SI: variants seen among roughly 807,000 people sequenced by gnomAD.
SI encodes the protein sucrase-isomaltase, also known as sucrase-isomaltase, intestinal.
A neutral mutation model predicts 253.3 loss-of-function variants in SI; 235 were observed. The ratio of observed to expected loss-of-function variants is 0.93; its 90% confidence interval spans 0.83 to 1.03. The LOEUF is 1.03. Among genes scored for constraint, SI ranks in the 50% least tolerant of loss-of-function variants. The pLI is 0.00. For missense variants in SI, 2,442 were observed against 2,211.1 expected (o/e 1.10, Z -2.09); for synonymous variants, 819 against 712.0 (o/e 1.15, Z -2.39).
intron 47 of SI, 37 bp downstream of exon 47, chr3:164,982,189 TGTAGATGCTTTAAATAC>T (rs1470910933): frequency 3.7e-6 from 5 of 1,354,036 alleles, no homozygotes; most frequent in Non-Finnish European, 4.2e-6. Context: ...AAGAAGTCCA[TGTAGATGCTTTAAATAC>T]GTACGCTTTT....
the SI span, among the ~76,000 whole-genome samples, chr3:165,084,799 A>G: frequency 6.6e-6 from 1 of 152,084 alleles, no homozygotes; most frequent in African/African-American, 2.4e-5. Flanking sequence ...AGACAATAAG[A>G]AATTTAAACA....
chr3:165,074,718 T>C (rs377663627), intron 2 of SI, 51 bp from the exon 3 acceptor site: 88 of 1,440,750 alleles, frequency 6.1e-5, no homozygotes, highest in Admixed American at 1.2e-4. Context: ...AAATTAATTT[T>C]CTCAGAATTA....
intron 44 of SI, among the ~76,000 whole-genome samples, chr3:164,988,607 G>T (rs1024445202): frequency 6.6e-6 from 1 of 152,252 alleles, no homozygotes; most frequent in East Asian, 1.9e-4. Context: ...GGACCTGGGT[G>T]GGTCCAGTAG....
chr3:165,037,743 C>A (rs1712601098), intron 21 of SI, among the ~76,000 whole-genome samples, 157 bp downstream of exon 21: 1 of 151,464 alleles, frequency 6.6e-6, no homozygotes, highest in South Asian at 2.1e-4. Context: ...TAATTTCATT[C>A]TTTTTATAGC....
intron 36 of SI, among the ~76,000 whole-genome samples, chr3:165,007,401 T>A (rs1344716086): frequency 6.6e-6 from 1 of 152,080 alleles, no homozygotes; most frequent in Non-Finnish European, 1.5e-5. Flanking sequence ...CATAAGAGAA[T>A]GATGATGAAT....
At chr3:165,038,156 A>C (rs1712629990) in intron 20 of SI, 132 bp from the exon 21 acceptor site, 1 of 774,904 alleles carries the variant, frequency 1.3e-6, no homozygotes, top group Non-Finnish European at 2.0e-6. Flanking sequence ...TTGTTTTCTA[A>C]CTTTAGGAGA....
In SI at chr3:165,023,795, T is replaced by C; in HGVS notation, c.2893-19A>G. ...AAGAACCCTAAAAACACAATGCATG[T>C]TCATTGCCAGAAATTATAAGCCTTG... On this transcript the variant is annotated intron_variant, in intron 25 of 47. Transcript: ENST00000264382. 6.5e-7 allele frequency: 1 copy of C among 1,547,254 alleles called. No homozygotes were observed. Among genetic ancestry groups the C allele is most frequent in the Non-Finnish European group, 8.9e-7 (1 of 1,120,894 alleles).
rs750123157 is a variant in SI at position 165,016,038 on chromosome 3, C to A, written c.3802G>T (p.Asp1268Tyr). 1.2e-6 allele frequency: 2 copies of A among 1,612,958 alleles called. No individual in the cohort carries two copies. The highest frequency in any genetic ancestry group is 1.1e-5 in the South Asian group (1 of 91,068). ...TDIDYMERQL[D>Y]FTIGEAFQDL... Reference sequence around the variant, plus strand: ...TGGAATGCTTCACCAATTGTAAAGTCTAGCTGCCTTTCCATGTAGTCAATG... The same window carrying A: ...TGGAATGCTTCACCAATTGTAAAGTATAGCTGCCTTTCCATGTAGTCAATG... The change falls in exon 32 of 48, where the codon GAC becomes TAC. Residue 1268 changes from aspartate to tyrosine, a missense_variant. Transcript: ENST00000264382.
intron 41 of SI, among the ~76,000 whole-genome samples, chr3:164,992,991 C>T (rs1717842514): frequency 1.3e-5 from 2 of 151,176 alleles, no homozygotes; most frequent in Admixed American, 1.3e-4. Flanking sequence ...GTTCACATTT[C>T]TTCTCCAATT....
chr3:165,024,922 C>T, intron 25 of SI, among the ~76,000 whole-genome samples: 1 of 151,194 alleles, frequency 6.6e-6, no homozygotes, highest in Admixed American at 6.6e-5. Flanking sequence ...CCAAAGACTT[C>T]CATGTTGCCA....
In SI at chr3:165,075,937, CA is replaced by C; in HGVS notation, c.75del (p.Ile25MetfsTer3). 6.2e-7 allele frequency: 1 copy of C among 1,601,760 alleles called. No homozygotes were observed. Among genetic ancestry groups the C allele is most frequent in the Non-Finnish European group, 8.5e-7 (1 of 1,170,412 alleles). On this transcript the variant is annotated frameshift_variant, in exon 2 of 48. Coordinates refer to ENST00000264382, the MANE Select transcript of SI (RefSeq NM_001041.4). LOFTEE classifies it high-confidence loss of function. ...TTAGTTGCTAAAACAACAATTAAGG[CA>C]ATAGCTATTATAGTAACTATGACAA... The part of the protein sequence containing the change: ...VLFVIVTIIA[I>X]ALIVVLATKT...
In SI at chr3:164,982,400, G is replaced by T; in HGVS notation, c.5258C>A (p.Thr1753Lys). 1 of 1,609,110 alleles carries T rather than the reference G, an allele frequency of 6.2e-7. No individual in the cohort carries two copies. The highest frequency in any genetic ancestry group is 8.5e-7 in the Non-Finnish European group (1 of 1,176,134). ...GTAACCTCTCTTCAATATAGTGCTT[G>T]TTAAGGTGGTCTATAAATAAAGAAA... ...VQFNLNQTTL[T>K]STILKRGYIN... The change falls in exon 47 of 48, where the codon ACA (threonine) becomes AAA (lysine). Residue 1753 changes from threonine (T) to lysine (K), a missense_variant. Physicochemically the swap from Thr to Lys is moderately conservative, Grantham distance 78 (BLOSUM62 -1). Coordinates refer to ENST00000264382, the MANE Select transcript of SI (RefSeq NM_001041.4).
chr3:165,023,497 T>C, intron 26 of SI, 73 bp downstream of exon 26: 2 of 1,003,122 alleles, frequency 2.0e-6, no homozygotes, highest in Non-Finnish European at 3.2e-6. Flanking sequence ...ACATTAAATA[T>C]CAATCACAGG....
In SI at chr3:165,068,935, A is replaced by C. The variant is rs1016666370; in HGVS notation, c.374-104T>G. On this transcript the variant is annotated intron_variant, in intron 4 of 47. Coordinates refer to ENST00000264382, the MANE Select transcript of SI (RefSeq NM_001041.4). ...ATTTACCACAAATGAGTACTTTTTAAATTTGTTACAATCATGCAAAAATAA... is the reference window on the plus strand; with the variant it reads ...ATTTACCACAAATGAGTACTTTTTACATTTGTTACAATCATGCAAAAATAA... The C allele has an allele frequency of 5.1e-6, 5 of 981,072 alleles. No individual in the cohort carries two copies. In the East Asian group the frequency reaches 1.0e-4, roughly 20 times the overall value. 60.8% of individuals were successfully genotyped at this position (981,072 alleles called of 1,614,324 possible). A position where few individuals can be genotyped will look rare whatever the true frequency, so the allele number is the denominator to read the frequency against.
chr3:164,981,325 T>A (rs1052064582), intron 47 of SI, among the ~76,000 whole-genome samples: 4 of 151,998 alleles, frequency 2.6e-5, no homozygotes, highest in Non-Finnish European at 4.4e-5. Context: ...GGTGTTGAGT[T>A]TCAAAAAGAT....
Position 164,992,192 on chromosome 3 carries a change from C to A in SI, c.4968G>T (p.Trp1656Cys). Reference sequence around the variant, plus strand: ...AAATACTTACTGTATGGTAGTCAAACCACCGAGCATTGGGGACGTAGGCAT... The same window carrying A: ...AAATACTTACTGTATGGTAGTCAAAACACCGAGCATTGGGGACGTAGGCAT... ...TVNAYVPNAR[W>C]FDYHTGKDIG... Residue 1656 changes from tryptophan (W) to cysteine (C), a missense_variant, in exon 43 of 48, where the codon TGG (tryptophan) becomes TGT (cysteine). Transcript: ENST00000264382. The A allele has an allele frequency of 6.2e-7, 1 of 1,611,368 alleles. No homozygotes were observed. Among genetic ancestry groups the A allele is most frequent in the Non-Finnish European group, 8.5e-7 (1 of 1,179,118 alleles).
chr3:165,003,965 T>A (rs1265386333), intron 37 of SI, among the ~76,000 whole-genome samples: 1 of 151,976 alleles, frequency 6.6e-6, no homozygotes, highest in African/African-American at 2.4e-5. Context: ...TGAAATTGAA[T>A]ATAAATGGAT....
chr3:165,007,089 G>T, intron 36 of SI, 135 bp from the exon 37 acceptor site: 1 of 657,958 alleles, frequency 1.5e-6, no homozygotes, highest in Non-Finnish European at 2.6e-6. Context: ...TTAACCATTT[G>T]TATACTTTGT....
intron 17 of SI, among the ~76,000 whole-genome samples, chr3:165,041,628 A>G (rs1451531950): frequency 6.6e-6 from 1 of 152,116 alleles, no homozygotes; most frequent in Non-Finnish European, 1.5e-5. Context: ...TCAGGAACAC[A>G]GTGAACAGAG....
Sources: allele counts gnomAD v4.1 joint callset (sites outside exome capture counted in the v4.1 genomes callset), GRCh38; gene constraint gnomAD v4.1.1; transcripts MANE v1.5; gene names NCBI Gene and HGNC (gene_info 2026-07-23, HGNC 2026-07-21).